SYNE1: variants seen among roughly 807,000 people sequenced by gnomAD.
SYNE1 encodes the protein nesprin-1.
Under a neutral mutation model 1,111.0 loss-of-function variants are expected in SYNE1, and 616 were observed. That is an observed-to-expected ratio of 0.55 (90% CI 0.52 to 0.59). SYNE1 has a LOEUF of 0.59. Ranked by LOEUF, SYNE1 falls within the 20% of genes least tolerant of loss-of-function variation. The probability of loss-of-function intolerance (pLI) is 0.00; values close to 1 mark genes in which losing one functional copy is unlikely to be tolerated. For missense variants in SYNE1, 10,006 were observed against 10,417.0 expected (o/e 0.96, Z 1.72); for synonymous variants, 3,855 against 3,825.8 (o/e 1.01, Z -0.28).
rs569070089 is a variant in SYNE1, at chr6:152,195,739, T to G, written c.23145+6085A>C. Reference sequence around the variant, plus strand: ...ACCCCTGTGGATCCCCCACCACTACTGGAACTGTACTGGGTTAGGCCTGAA... The same window carrying G: ...ACCCCTGTGGATCCCCCACCACTACGGGAACTGTACTGGGTTAGGCCTGAA... On this transcript the variant is annotated intron_variant, in intron 127 of 145. Transcript: ENST00000367255. Among the ~76,000 whole-genome samples, 8 of 152,298 alleles carry G rather than the reference T, an allele frequency of 5.3e-5. No individual in the cohort carries two copies. The East Asian group carries it at 1.5e-3, about 29-fold the overall frequency.
At chr6:152,254,251 T>TA (rs2090280549) in intron 104 of SYNE1, among the ~76,000 whole-genome samples, 1 of 125,128 alleles carries the variant, frequency 8.0e-6, no homozygotes, top group Non-Finnish European at 1.7e-5. Flanking sequence ...ACTCTTTTTT[T>TA]TTTTTTTTTT....
chr6:152,582,972 A>G (rs2099525555), intron 3 of SYNE1, among the ~76,000 whole-genome samples: 1 of 152,188 alleles, frequency 6.6e-6, no homozygotes, highest in Non-Finnish European at 1.5e-5. Context: ...TTGTTTTGCT[A>G]TGAATACAGA....
intron 3 of SYNE1, among the ~76,000 whole-genome samples, chr6:152,570,003 G>T (rs551433270): frequency 6.6e-6 from 1 of 152,270 alleles, no homozygotes; most frequent in African/African-American, 2.4e-5. Context: ...AGACTGACCT[G>T]CAATTTAGTT....
chr6:152,460,874 G>T (rs542181029), intron 21 of SYNE1, among the ~76,000 whole-genome samples: 1 of 136,882 alleles, frequency 7.3e-6, no homozygotes, highest in Non-Finnish European at 1.5e-5. Flanking sequence ...GTGAAATGGC[G>T]CGATCTGGGC....
chr6:152,201,959 G>T lies in SYNE1; in HGVS notation c.23020-10C>A. On this transcript the variant is annotated splice_polypyrimidine_tract_variant and intron_variant, in intron 126 of 145. Transcript: ENST00000367255. ...CACATTTTTCCCAGTCCTATCATGG[G>T]AATAAAAACAAATAGCATAGATGTT... is the stretch of plus-strand genomic sequence containing the variant. 6.2e-7 allele frequency: 1 copy of T among 1,613,706 alleles called. No homozygotes were observed. The highest frequency in any genetic ancestry group is 8.5e-7 in the Non-Finnish European group (1 of 1,179,824).
intron 32 of SYNE1, among the ~76,000 whole-genome samples, chr6:152,437,305 G>A (rs2098482659): frequency 6.6e-6 from 1 of 152,202 alleles, no homozygotes; most frequent in Non-Finnish European, 1.5e-5. Context: ...AACCAGTCAA[G>A]CCTGGGCTAG....
intron 126 of SYNE1, among the ~76,000 whole-genome samples, chr6:152,205,546 T>G (rs1263999841): frequency 2.6e-5 from 4 of 152,232 alleles, no homozygotes; most frequent in Non-Finnish European, 5.9e-5. Context: ...GTCCTGTCCT[T>G]TTTAAACTGC....
chr6:152,617,689 G>C (rs965864865), intron 3 of SYNE1, among the ~76,000 whole-genome samples: 1 of 152,180 alleles, frequency 6.6e-6, no homozygotes, highest in Non-Finnish European at 1.5e-5. Context: ...AGAGCTTCTT[G>C]CATAAACCCT....
At chr6:152,123,388 A>G (rs2052134849) in intron 145 of SYNE1, among the ~76,000 whole-genome samples, 2 of 152,146 alleles carry the variant, frequency 1.3e-5, no homozygotes, top group Non-Finnish European at 2.9e-5. Flanking sequence ...GAAAATGGAC[A>G]CCATTTTCTG....
At chr6:152,363,377 C>T (rs916670240) in intron 63 of SYNE1, among the ~76,000 whole-genome samples, 2 of 150,114 alleles carry the variant, frequency 1.3e-5, no homozygotes, top group South Asian at 4.2e-4. Context: ...GCCTGTAGTA[C>T]CAGCTACTCG....
chr6:152,167,172 T>C (rs1331443679), intron 130 of SYNE1, among the ~76,000 whole-genome samples: 1 of 152,182 alleles, frequency 6.6e-6, no homozygotes, highest in Admixed American at 6.5e-5. Context: ...TGACCTTTCT[T>C]GAAAAGGATT....
In SYNE1 at chr6:152,450,710, T is replaced by A; in HGVS notation, c.3310A>T (p.Thr1104Ser). 2 of 1,614,068 alleles carry A rather than the reference T, an allele frequency of 1.2e-6. No homozygotes were observed. The highest frequency in any genetic ancestry group is 1.7e-6 in the Non-Finnish European group (2 of 1,180,022). The part of the protein sequence containing the change: ...VRDTPGTCHV[T>S]LKELRAAIDS... ...ATGGCAGCTCTGAGCTCTTTGAGAGTCACGTGACAGGTTCCAGGTGTGTCC... is the reference window on the plus strand; with the variant it reads ...ATGGCAGCTCTGAGCTCTTTGAGAGACACGTGACAGGTTCCAGGTGTGTCC... The change falls in exon 27 of 146, where the codon ACT becomes TCT. Residue 1104 changes from threonine to serine, a missense_variant. Around this residue, in one of 7 missense-constraint regions of SYNE1, gnomAD observed 1,971 missense variants for 2,084.1 expected, o/e 0.95. Transcript: ENST00000367255.
intron 3 of SYNE1, among the ~76,000 whole-genome samples, chr6:152,602,999 T>C (rs1367178398): frequency 6.6e-6 from 1 of 152,074 alleles, no homozygotes; most frequent in African/African-American, 2.4e-5. Flanking sequence ...AGGAGGAGCA[T>C]ATATGAGCCA....
chr6:152,384,058 C>G (rs890557031), intron 55 of SYNE1, among the ~76,000 whole-genome samples: 1 of 152,172 alleles, frequency 6.6e-6, no homozygotes, highest in African/African-American at 2.4e-5. Context: ...TTCTATGTGC[C>G]AGGCATGATG....
Position 152,553,407 on chromosome 6 carries a change from C to T in SYNE1, c.68-13386G>A, listed in dbSNP as rs2099354432. Reference sequence around the variant, plus strand: ...AAATGGGTATCTCAGCAAGCAAGTGCCAAAGTCAAATGAAACCCTCCTTAC... The same window carrying T: ...AAATGGGTATCTCAGCAAGCAAGTGTCAAAGTCAAATGAAACCCTCCTTAC... On this transcript the variant is annotated intron_variant, in intron 3 of 145. Coordinates refer to ENST00000367255, the MANE Select transcript of SYNE1 (RefSeq NM_182961.4). 2.6e-5 allele frequency among the ~76,000 whole-genome samples: 4 copies of T among 152,130 alleles called. No individual in the cohort carries two copies. The South Asian group carries it at 8.3e-4, about 32-fold the overall frequency.
intron 18 of SYNE1, 118 bp from the exon 19 acceptor site, chr6:152,463,635 A>G (rs2098747072): frequency 3.4e-6 from 3 of 887,712 alleles, no homozygotes; most frequent in Non-Finnish European, 5.4e-6. Flanking sequence ...ATTTTAAGAT[A>G]AATCACAAAT....
chr6:152,329,732 G>T lies in SYNE1; in HGVS notation c.14953C>A (p.Gln4985Lys). 1 of 1,614,202 alleles carries T rather than the reference G, an allele frequency of 6.2e-7. No individual in the cohort carries two copies. ...GDIQEALRTRQATLTEIYSQC... is the reference protein window; with the variant it reads ...GDIQEALRTRKATLTEIYSQC... ...AAGTGAAGTCCTATTATACCCACCTGTCTGGTGCGTAAGGCTTCCTGGATG... is the reference window on the plus strand; with the variant it reads ...AAGTGAAGTCCTATTATACCCACCTTTCTGGTGCGTAAGGCTTCCTGGATG... The change falls in exon 78 of 146, where the codon CAG becomes AAG. Residue 4985 changes from glutamine (Q) to lysine (K), a missense_variant and splice_region_variant. By Grantham distance (53) the Gln-to-Lys change is moderately conservative. Transcript: ENST00000367255.
intron 3 of SYNE1, among the ~76,000 whole-genome samples, chr6:152,545,063 G>T (rs2128068886): frequency 6.6e-6 from 1 of 151,932 alleles, no homozygotes; most frequent in South Asian, 2.1e-4. Flanking sequence ...CTTAACAGAT[G>T]GTATGTTTAA....
In SYNE1 at chr6:152,221,581, T is replaced by C. The variant is rs760565748; in HGVS notation, c.21523-22A>G. On this transcript the variant is annotated intron_variant, in intron 117 of 145. Coordinates refer to ENST00000367255, the MANE Select transcript of SYNE1 (RefSeq NM_182961.4). ...GATTCTGCCCCAAAAAAAAGACCCATAGATGACATAACAGGATCTAAATTC... is the reference window on the plus strand; with the variant it reads ...GATTCTGCCCCAAAAAAAAGACCCACAGATGACATAACAGGATCTAAATTC... The C allele has an allele frequency of 9.9e-6, 16 of 1,613,268 alleles. No homozygotes were observed. In the East Asian group the frequency reaches 2.9e-4, roughly 29 times the overall value.
Sources: allele counts gnomAD v4.1 joint callset (sites outside exome capture counted in the v4.1 genomes callset), GRCh38; gene constraint gnomAD v4.1.1; regional missense constraint gnomAD v4.1.1; transcripts MANE v1.5; gene names NCBI Gene and HGNC (gene_info 2026-07-23, HGNC 2026-07-21).